COG8: variants seen among roughly 807,000 people sequenced by gnomAD.
COG8 encodes conserved oligomeric Golgi complex subunit 8.
Under a neutral mutation model 46.5 loss-of-function variants are expected in COG8, and 45 were observed. The ratio of observed to expected loss-of-function variants is 0.97; its 90% CI spans 0.76 to 1.24. COG8 has a LOEUF of 1.24. COG8 is among the 50% of genes most tolerant of loss of function. The pLI is 0.00. For missense variants in COG8, 793 were observed against 820.8 expected, an observed-to-expected ratio of 0.97 and a Z score of 0.41; for synonymous variants, 407 against 347.8, an observed-to-expected ratio of 1.17 and a Z score of -1.90.
rs2012131446 is a variant in COG8 at position 69,335,162 on chromosome 16, T to C, written c.772A>G (p.Ile258Val). 3.1e-6 allele frequency: 5 copies of C among 1,614,204 alleles called. No individual in the cohort carries two copies. The highest frequency in any genetic ancestry group is 4.2e-6 in the Non-Finnish European group (5 of 1,180,042). ...TCATCATTAGGAATGGCAGTCAGGA[T>C]GGACCGGAGCCAAGCATCTCGGGCC... ...LQARDAWLRS[I>V]LTAIPNDDPY... Residue 258 changes from isoleucine to valine, a missense_variant, in exon 3 of 6, where the codon ATC becomes GTC. By Grantham distance (29) the Ile-to-Val change is conservative. Transcript: ENST00000306875.
At chr16:69,333,009 A>C (rs1172367594) in intron 3 of COG8, 127 bp from the exon 4 acceptor site, 4 of 819,318 alleles carry the variant, frequency 4.9e-6, no homozygotes, top group Non-Finnish European at 8.2e-6. Flanking sequence ...ACAGTACATT[A>C]TTTTACTGTC....
rs1461671090 is a variant in COG8, at chr16:69,339,464, A to G, written c.89T>C (p.Leu30Pro). ...EVEDEGLLAS[L>P]FRDRFPEAQW... ...GGCCTCGGGGAAGCGGTCCCGGAAC[A>G]GCGACGCCAGGAGCCCTTCATCCTC... Residue 30 changes from leucine to proline, a missense_variant, in exon 1 of 6, where the codon CTG (leucine) becomes CCG (proline). Coordinates refer to ENST00000306875, the MANE Select transcript of COG8 (RefSeq NM_032382.5). The G allele has an allele frequency of 6.2e-7, 1 of 1,600,140 alleles. No individual in the cohort carries two copies. Among genetic ancestry groups the G allele is most frequent in the Non-Finnish European group, 8.5e-7 (1 of 1,178,346 alleles).
rs1567429862 is a variant in COG8, at chr16:69,330,913, C to G, written c.1765G>C (p.Glu589Gln). 1.9e-6 allele frequency: 3 copies of G among 1,555,980 alleles called. No homozygotes were observed. Among genetic ancestry groups the G allele is most frequent in the Admixed American group, 2.0e-5 (1 of 51,270 alleles). ...PEPPAEEPRLEPAGPACPEGG... is the reference protein window; with the variant it reads ...PEPPAEEPRLQPAGPACPEGG... Reference sequence around the variant, plus strand: ...TCCGGGCAGGCTGGGCCCGCGGGCTCCAGGCGTGGCTCCTCGGCGGGAGGC... The same window carrying G: ...TCCGGGCAGGCTGGGCCCGCGGGCTGCAGGCGTGGCTCCTCGGCGGGAGGC... The change falls in exon 5 of 6, where the codon GAG (glutamate) becomes CAG (glutamine). Residue 589 changes from glutamate to glutamine, a missense_variant. By Grantham distance (29) the Glu-to-Gln change is conservative (BLOSUM62 2). Transcript: ENST00000306875.
At chr16:69,329,791 G>A (rs1007780648) in intron 5 of COG8, among the ~76,000 whole-genome samples, 2 of 152,216 alleles carry the variant, frequency 1.3e-5, no homozygotes, top group South Asian at 2.1e-4. Flanking sequence ...CGGAACTAGG[G>A]GACCTCTCCT....
At chr16:69,330,363 C>CT in intron 5 of COG8, 1 of 1,477,358 alleles carries the variant, frequency 6.8e-7, no homozygotes, top group Non-Finnish European at 8.9e-7. Context: ...GGGTCCCCGA[C>CT]TTGGCACACG....
chr16:69,339,086 T>C, intron 1 of COG8, 90 bp downstream of exon 1: 11 of 1,575,908 alleles, frequency 7.0e-6, no homozygotes, highest in Non-Finnish European at 9.6e-6. Flanking sequence ...ACCTGGAACG[T>C]GGTAAACGCT....
chr16:69,333,103 G>A (rs182779920), intron 3 of COG8, among the ~76,000 whole-genome samples: 1 of 151,956 alleles, frequency 6.6e-6, no homozygotes, highest in Non-Finnish European at 1.5e-5. Flanking sequence ...GTTACATTAC[G>A]GGTATAGTTT....
Position 69,339,261 on chromosome 16 carries a change from C to G in COG8, c.292G>C (p.Glu98Gln), listed in dbSNP as rs753704444. 2 of 1,612,624 alleles carry G rather than the reference C, an allele frequency of 1.2e-6. No homozygotes were observed. The highest frequency in any genetic ancestry group is 2.2e-5 in the South Asian group (2 of 91,068). The change falls in exon 1 of 6, where the codon GAG becomes CAG. Residue 98 changes from glutamate to glutamine, a missense_variant. Transcript: ENST00000306875. ...TCGCCAAACAGGCGGTGGATGCGCT[C>G]GGTGCACTCGGCGCCGCGGATGAAG... is the stretch of plus-strand genomic sequence containing the variant. ...KTFIRGAECT[E>Q]RIHRLFGDVE...
intron 1 of COG8, chr16:69,338,127 AGTGCG>A (rs2012308668): frequency 6.5e-6 from 1 of 152,824 alleles, no homozygotes; most frequent in Non-Finnish European, 1.5e-5. Context: ...CCCAAACTGG[AGTGCG>A]GTGGCACAAT....
rs1043760971 is a variant in COG8, at chr16:69,327,546, CA to C, written c.*1659del. The C allele has an allele frequency of 1.3e-5, 2 of 151,960 alleles. No individual in the cohort carries two copies. The allele number at this position is 151,960 out of a possible 1,614,324, so 9.4% of individuals were successfully genotyped here. On this transcript the variant is annotated 3_prime_UTR_variant, in exon 6 of 6. Coordinates refer to ENST00000306875, the MANE Select transcript of COG8 (RefSeq NM_032382.5). ...CCTCATGGGGCCTCAGAGAAAGCCA[CA>C]AAGGAGGATGGGTCTTTCCTGGGTT...
At chr16:69,332,594 G>A in intron 4 of COG8, 120 bp downstream of exon 4, 1 of 1,006,940 alleles carries the variant, frequency 9.9e-7, no homozygotes, top group Non-Finnish European at 1.6e-6. Flanking sequence ...TGGAGTGATG[G>A]AAATATTCTA....
chr16:69,329,824 G>A (rs1965728947), intron 5 of COG8, among the ~76,000 whole-genome samples: 1 of 152,226 alleles, frequency 6.6e-6, no homozygotes, highest in Non-Finnish European at 1.5e-5. Flanking sequence ...CTATCTGAGC[G>A]GGCTCTACCC....
chr16:69,335,126 G>A lies in COG8; in HGVS notation c.808C>T (p.His270Tyr). The A allele has an allele frequency of 6.2e-7, 1 of 1,614,188 alleles. No homozygotes were observed. The highest frequency in any genetic ancestry group is 8.5e-7 in the Non-Finnish European group (1 of 1,180,030). ...TAIPNDDPYF[H>Y]ITKTIEASRV... ...GAGGCCTCGATGGTTTTTGTAATAT[G>A]GAAATAGGGATCATCATTAGGAATG... is the stretch of plus-strand genomic sequence containing the variant. The change falls in exon 3 of 6, where the codon CAT becomes TAT. Residue 270 changes from histidine (H) to tyrosine (Y), a missense_variant. His to Tyr is a moderately conservative substitution (Grantham distance 83). Coordinates refer to ENST00000306875, the MANE Select transcript of COG8 (RefSeq NM_032382.5).
intron 4 of COG8, 73 bp from the exon 5 acceptor site, chr16:69,331,168 C>T: frequency 6.4e-7 from 1 of 1,557,612 alleles, no homozygotes. Context: ...TTAAGGGAGG[C>T]CGGGCGCGGT....
chr16:69,333,166 G>GTTTTTT (rs554776759), intron 3 of COG8, among the ~76,000 whole-genome samples: 3 of 130,866 alleles, frequency 2.3e-5, no homozygotes, highest in Non-Finnish European at 3.3e-5. Context: ...CATGGTTTTG[G>GTTTTTT]TTTTTTTTTT....
chr16:69,329,766 G>C (rs1000204668), intron 5 of COG8, among the ~76,000 whole-genome samples: 4 of 152,260 alleles, frequency 2.6e-5, no homozygotes, highest in African/African-American at 9.6e-5. Flanking sequence ...CAGACGCCAG[G>C]CTGTCAGGTA....
chr16:69,330,111 C>G, intron 5 of COG8: 1 of 1,584,062 alleles, frequency 6.3e-7, no homozygotes, highest in Non-Finnish European at 8.6e-7. Flanking sequence ...CTGGGGTTCA[C>G]GAACACGCGC....
chr16:69,331,164 G>A, intron 4 of COG8, 69 bp from the exon 5 acceptor site: 1 of 1,570,714 alleles, frequency 6.4e-7, no homozygotes. Flanking sequence ...AAATTTAAGG[G>A]AGGCCGGGCG....
intron 5 of COG8, chr16:69,329,849 T>G: frequency 3.9e-6 from 4 of 1,013,424 alleles, no homozygotes. Context: ...GGAGCTTCTA[T>G]CCGTCCTGAG....
Sources: gnomAD v4.1 joint callset for allele counts (sites outside exome capture counted in the v4.1 genomes callset) on GRCh38, gnomAD v4.1.1 for gene constraint, MANE v1.5 for transcripts, NCBI Gene and HGNC (gene_info 2026-07-23, HGNC 2026-07-21) for gene names.